The following CNTN5 variants were observed in gnomAD, a reference collection of about 807,000 sequenced individuals.
CNTN5 encodes contactin 5, also known as contactin-5.
CNTN5 carries 77 observed loss-of-function variants against 129.1 expected under a neutral mutation model. That is an observed-to-expected ratio of 0.60 (90% CI 0.50 to 0.72). CNTN5 has a LOEUF of 0.72. Among genes scored for constraint, CNTN5 ranks in the 30% least tolerant of loss-of-function variants. The pLI is 0.00. For missense variants in CNTN5, 1,478 were observed against 1,328.8 expected, an observed-to-expected ratio of 1.11 and a Z score of -1.75; for synonymous variants, 509 against 465.6, an observed-to-expected ratio of 1.09 and a Z score of -1.20.
chr11:99,787,506 A>T (rs901735602), intron 3 of CNTN5, among the ~76,000 whole-genome samples: 1 of 11,120 alleles, frequency 9.0e-5, no homozygotes, highest in Non-Finnish European at 1.8e-4. Context: ...AGAGAAAAGT[A>T]GTTTTTACCC....
chr11:99,487,414 A>T (rs1945859755), intron 2 of CNTN5, among the ~76,000 whole-genome samples: 1 of 152,210 alleles, frequency 6.6e-6, no homozygotes, highest in Non-Finnish European at 1.5e-5. Context: ...AATTGTCACA[A>T]ATAAGATGCT....
chr11:99,804,486 G>A (rs1328458248), intron 3 of CNTN5, among the ~76,000 whole-genome samples: 1 of 150,624 alleles, frequency 6.6e-6, no homozygotes. Flanking sequence ...AATTCTATTA[G>A]TTCACCTAAA....
At chr11:100,039,067 T>C (rs192468039) in intron 9 of CNTN5, among the ~76,000 whole-genome samples, 3,406 of 152,308 alleles carry the variant, frequency 0.022, 130 homozygotes, top group African/African-American at 0.075. Context: ...CTAGCCTTGA[T>C]GGTCTTTACA....
chr11:99,074,935 T>C (rs905217618), intron 1 of CNTN5, among the ~76,000 whole-genome samples: 1 of 152,202 alleles, frequency 6.6e-6, no homozygotes, highest in Non-Finnish European at 1.5e-5. Context: ...ATGTAAAACA[T>C]GCCGCATTGA....
intron 1 of CNTN5, among the ~76,000 whole-genome samples, chr11:99,255,916 A>T (rs1862357621): frequency 1.3e-5 from 2 of 152,032 alleles, no homozygotes; most frequent in South Asian, 2.1e-4. Flanking sequence ...GTTCAGCAAC[A>T]GTTCTTTTTA....
chr11:99,984,217 C>T (rs77795858), intron 8 of CNTN5, among the ~76,000 whole-genome samples: 10,674 of 151,984 alleles, frequency 0.07, 776 homozygotes, highest in East Asian at 0.31. Flanking sequence ...GTGGAGGCTG[C>T]AGTGAGCCAA....
At chr11:99,919,115 ATTC>A (rs1774001732) in intron 7 of CNTN5, among the ~76,000 whole-genome samples, 1 of 152,172 alleles carries the variant, frequency 6.6e-6, no homozygotes, top group Non-Finnish European at 1.5e-5. Context: ...TGGGAGCAGC[ATTC>A]TTCTGCAGAA....
chr11:99,747,089 A>G (rs1196787854), intron 3 of CNTN5, among the ~76,000 whole-genome samples: 1 of 152,056 alleles, frequency 6.6e-6, no homozygotes, highest in Non-Finnish European at 1.5e-5. Flanking sequence ...GCCTTTTTCA[A>G]TTTCTTTCAT....
At chr11:100,122,163 G>T (rs1190131845) in intron 13 of CNTN5, among the ~76,000 whole-genome samples, 2 of 152,022 alleles carry the variant, frequency 1.3e-5, no homozygotes, top group African/African-American at 4.8e-5. Flanking sequence ...AACCAAGAAA[G>T]CCAACGATGT....
intron 2 of CNTN5, among the ~76,000 whole-genome samples, chr11:99,479,485 A>T (rs1014503047): frequency 2.6e-5 from 4 of 152,080 alleles, no homozygotes; most frequent in African/African-American, 7.2e-5. Context: ...TAAATGCAGG[A>T]AACTAGATAA....
At chr11:100,294,171 A>G (rs1232964254) in intron 18 of CNTN5, among the ~76,000 whole-genome samples, 1 of 151,610 alleles carries the variant, frequency 6.6e-6, no homozygotes, top group African/African-American at 2.4e-5. Flanking sequence ...TGTAATATAA[A>G]TTGGAAATTT....
At chr11:99,633,287 T>C (rs916077041) in intron 3 of CNTN5, among the ~76,000 whole-genome samples, 16 of 152,244 alleles carry the variant, frequency 1.1e-4, no homozygotes, top group Admixed American at 3.3e-4. Context: ...AACTGACGCA[T>C]ACAGGCCTTG....
chr11:99,823,950 G>A (rs1946876364), intron 4 of CNTN5, among the ~76,000 whole-genome samples: 1 of 151,892 alleles, frequency 6.6e-6, no homozygotes, highest in Non-Finnish European at 1.5e-5. Flanking sequence ...ACCTTTTCTG[G>A]ATCAACATTA....
At chr11:99,158,532 CTG>C (rs1380923552) in intron 1 of CNTN5, among the ~76,000 whole-genome samples, 2 of 152,006 alleles carry the variant, frequency 1.3e-5, no homozygotes, top group African/African-American at 4.8e-5. Flanking sequence ...AATTTTTTGA[CTG>C]TTTAATTTTT....
chr11:99,628,402 G>A (rs1184154296), intron 3 of CNTN5, among the ~76,000 whole-genome samples: 1 of 151,946 alleles, frequency 6.6e-6, no homozygotes, highest in Non-Finnish European at 1.5e-5. Flanking sequence ...GGGAAATTAT[G>A]CCAGTGTTAA....
chr11:100,291,258 G>C (rs904143480), intron 18 of CNTN5, among the ~76,000 whole-genome samples: 1 of 151,810 alleles, frequency 6.6e-6, no homozygotes, highest in South Asian at 2.1e-4. Context: ...CCATTACTGG[G>C]TATATACCCA....
At chr11:100,079,498 A>G (rs569571864) in intron 13 of CNTN5, among the ~76,000 whole-genome samples, 2 of 152,052 alleles carry the variant, frequency 1.3e-5, no homozygotes, top group African/African-American at 4.8e-5. Context: ...TCCCTTACCT[A>G]TTTCTAGCTC....
chr11:99,148,371 A>C (rs986895742), intron 1 of CNTN5, among the ~76,000 whole-genome samples: 1 of 152,150 alleles, frequency 6.6e-6, no homozygotes, highest in Non-Finnish European at 1.5e-5. Context: ...TGAGCAAAAA[A>C]AAAATTCATG....
intron 3 of CNTN5, among the ~76,000 whole-genome samples, chr11:99,801,549 C>T (rs1018831421): frequency 1.3e-5 from 2 of 152,188 alleles, no homozygotes; most frequent in East Asian, 1.9e-4. Context: ...ACATTTTCTC[C>T]TTTTCTTTCA....
Sources: allele counts gnomAD v4.1 joint callset (sites outside exome capture counted in the v4.1 genomes callset), GRCh38; gene constraint gnomAD v4.1.1; transcripts MANE v1.5; gene names NCBI Gene and HGNC (gene_info 2026-07-23, HGNC 2026-07-21).